Variants in NRXN3 observed in about 807,000 individuals in gnomAD.
NRXN3 encodes the protein neurexin 3.
In NRXN3, 32 loss-of-function variants were observed where a neutral mutation model predicts 137.6. That is an observed-to-expected ratio of 0.23 (90% CI 0.18 to 0.31). The LOEUF (loss-of-function observed/expected upper bound fraction) is 0.31. Ranked by LOEUF, NRXN3 falls within the 10% of genes least tolerant of loss-of-function variation. The pLI is 1.00. For missense variants in NRXN3, 1,574 were observed against 2,062.5 expected (o/e 0.76, Z 4.59); for synonymous variants, 798 against 784.5 (o/e 1.02, Z -0.29).
intron 1 of NRXN3, among the ~76,000 whole-genome samples, chr14:78,223,710 G>A (rs1407022915): frequency 6.6e-6 from 1 of 152,186 alleles, no homozygotes; most frequent in African/African-American, 2.4e-5. Flanking sequence ...TGAGGGATAG[G>A]GGGACAAAGG....
At chr14:79,476,533 T>A (rs1050229852) in intron 16 of NRXN3, among the ~76,000 whole-genome samples, 33 of 152,282 alleles carry the variant, frequency 2.2e-4, no homozygotes, top group African/African-American at 7.7e-4. Flanking sequence ...TAACCTCTTA[T>A]AATTCAGTTT....
intron 16 of NRXN3, among the ~76,000 whole-genome samples, chr14:79,543,134 G>A (rs61995208): frequency 5.3e-4 from 81 of 152,140 alleles, no homozygotes; most frequent in Non-Finnish European, 1.0e-3. Flanking sequence ...CAGTCATACA[G>A]GCAAGCACTG....
chr14:78,683,435 G>A (rs2098095847), intron 6 of NRXN3, among the ~76,000 whole-genome samples: 1 of 152,220 alleles, frequency 6.6e-6, no homozygotes, highest in South Asian at 2.1e-4. Context: ...CGAGATCAGA[G>A]CAAGAGGTGC....
intron 2 of NRXN3, among the ~76,000 whole-genome samples, chr14:78,259,805 T>G (rs1214574647): frequency 1.1e-4 from 16 of 152,138 alleles, no homozygotes; most frequent in Non-Finnish European, 2.4e-4. Context: ...TTCCAGGAAT[T>G]TCAGGACACA....
intron 16 of NRXN3, among the ~76,000 whole-genome samples, chr14:79,610,513 C>T (rs916526184): frequency 3.3e-5 from 5 of 152,302 alleles, no homozygotes; most frequent in Admixed American, 6.5e-5. Context: ...ACGTGCCAGC[C>T]ACAGCACTAG....
chr14:78,328,487 A>G (rs2080384095), intron 4 of NRXN3, among the ~76,000 whole-genome samples: 1 of 152,216 alleles, frequency 6.6e-6, no homozygotes, highest in Non-Finnish European at 1.5e-5. Flanking sequence ...ATGTAATAGA[A>G]CTAAAAAATG....
At chr14:78,205,812 C>T (rs575154858) in intron 1 of NRXN3, among the ~76,000 whole-genome samples, 4 of 152,058 alleles carry the variant, frequency 2.6e-5, no homozygotes, top group Non-Finnish European at 5.9e-5. Flanking sequence ...GTTGTGTGCT[C>T]GAACTGAAAT....
chr14:79,283,516 G>A lies in NRXN3; in HGVS notation c.3263-183705G>A, dbSNP rs11847924. 8.7e-4 allele frequency among the ~76,000 whole-genome samples: 132 copies of A among 152,226 alleles called. 1 individual carries two copies. The highest frequency in any genetic ancestry group is 2.9e-3 in the African/African-American group (121 of 41,526). ...CACTTTTGCCTGTGCTTGGTTCCAA[G>A]CTTTAGAAAATTGGTTATATTATAG... On this transcript the variant is annotated intron_variant, in intron 15 of 20. Coordinates refer to ENST00000335750, the MANE Select transcript of NRXN3 (RefSeq NM_001330195.2).
chr14:79,405,628 G>A (rs937012055), intron 15 of NRXN3, among the ~76,000 whole-genome samples: 1 of 152,136 alleles, frequency 6.6e-6, no homozygotes, highest in African/African-American at 2.4e-5. Flanking sequence ...GAGGTTTATT[G>A]TTGAGGAAAA....
chr14:79,715,607 A>T (rs929044414), intron 19 of NRXN3, among the ~76,000 whole-genome samples: 4 of 152,244 alleles, frequency 2.6e-5, no homozygotes, highest in Non-Finnish European at 5.9e-5. Flanking sequence ...GGATAGAGTT[A>T]AAAAGATAAT....
intron 1 of NRXN3, among the ~76,000 whole-genome samples, chr14:78,180,165 A>G (rs1430393659): frequency 1.3e-5 from 2 of 152,250 alleles, no homozygotes; most frequent in East Asian, 3.9e-4. Context: ...TAAAATAAAC[A>G]TGGGGGAGGG....
In NRXN3 at chr14:78,543,940, C is replaced by T. The variant is rs11848322; in HGVS notation, c.758-101180C>T. On this transcript the variant is annotated intron_variant, in intron 4 of 20. Coordinates refer to ENST00000335750, the MANE Select transcript of NRXN3 (RefSeq NM_001330195.2). ...CTGAGGCTCAGTGCCACTAGGGACT[C>T]TCTTGGGAGGTGCATAGAATGAATA... Among the ~76,000 whole-genome samples the T allele has an allele frequency of 8.3e-3, 1,268 of 152,216 alleles. 15 individuals carry two copies. The highest frequency in any genetic ancestry group is 0.029 in the African/African-American group (1,189 of 41,516).
At chr14:79,662,972 C>T (rs1313478833) in intron 16 of NRXN3, among the ~76,000 whole-genome samples, 1 of 152,116 alleles carries the variant, frequency 6.6e-6, no homozygotes, top group Non-Finnish European at 1.5e-5. Flanking sequence ...TCACCGTCTT[C>T]ACTGCCATAG....
At chr14:78,963,167 CT>C (rs79834368) in intron 11 of NRXN3, among the ~76,000 whole-genome samples, 14 of 149,758 alleles carry the variant, frequency 9.3e-5, no homozygotes, top group South Asian at 2.1e-4. Flanking sequence ...TCAATAAACA[CT>C]TTTTTTTTTG....
At chr14:79,847,465 A>G (rs961918743) in intron 20 of NRXN3, among the ~76,000 whole-genome samples, 1 of 152,086 alleles carries the variant, frequency 6.6e-6, no homozygotes, top group African/African-American at 2.4e-5. Context: ...GCCCTCTACC[A>G]AACTGTGAAA....
intron 15 of NRXN3, among the ~76,000 whole-genome samples, chr14:79,328,785 T>A (rs1425766872): frequency 1.3e-5 from 2 of 152,222 alleles, no homozygotes; most frequent in Non-Finnish European, 2.9e-5. Context: ...TGCATATATG[T>A]TTTGTTCTTA....
At chr14:79,191,068 C>T (rs1294985658) in intron 15 of NRXN3, among the ~76,000 whole-genome samples, 2 of 152,162 alleles carry the variant, frequency 1.3e-5, no homozygotes, top group Non-Finnish European at 2.9e-5. Context: ...CGGAAAGCCC[C>T]CCAGGAGAAA....
At chr14:78,766,147 G>T (rs2098708337) in intron 8 of NRXN3, among the ~76,000 whole-genome samples, 1 of 152,104 alleles carries the variant, frequency 6.6e-6, no homozygotes, top group Non-Finnish European at 1.5e-5. Context: ...ATATATAAAG[G>T]TTTAATAATC....
intron 15 of NRXN3, among the ~76,000 whole-genome samples, chr14:79,121,539 T>A (rs2055433584): frequency 6.6e-6 from 1 of 152,252 alleles, no homozygotes; most frequent in Non-Finnish European, 1.5e-5. Context: ...ATTTTCATTT[T>A]TTATTTTTTA....
Sources: gnomAD v4.1 joint callset for allele counts (sites outside exome capture counted in the v4.1 genomes callset) on GRCh38, gnomAD v4.1.1 for gene constraint, MANE v1.5 for transcripts, NCBI Gene and HGNC (gene_info 2026-07-23, HGNC 2026-07-21) for gene names.